CHMP4C: variants seen among roughly 807,000 people sequenced by gnomAD.
The protein encoded by CHMP4C is charged multivesicular body protein 4C.
Under a neutral mutation model 29.0 loss-of-function variants are expected in CHMP4C, and 28 were observed. The observed-to-expected ratio is 0.97, with a 90% CI of 0.72 to 1.32. CHMP4C has a LOEUF of 1.32. Among genes scored for constraint, CHMP4C ranks in the 40% most tolerant of loss-of-function variants. CHMP4C has a pLI of 0.00. For missense variants in CHMP4C, 291 were observed against 281.0 expected, an observed-to-expected ratio of 1.04 and a Z score of -0.25; for synonymous variants, 106 against 102.4, an observed-to-expected ratio of 1.04 and a Z score of -0.21.
At chr8:81,746,616 G>T (rs1307670504) in intron 1 of CHMP4C, among the ~76,000 whole-genome samples, 2 of 152,190 alleles carry the variant, frequency 1.3e-5, no homozygotes, top group Non-Finnish European at 2.9e-5. Context: ...TTCATTATCT[G>T]CCTGGCTCCC....
chr8:81,750,898 A>G (rs1808893549), intron 1 of CHMP4C, among the ~76,000 whole-genome samples: 1 of 152,140 alleles, frequency 6.6e-6, no homozygotes, highest in Non-Finnish European at 1.5e-5. Context: ...ATACATACCT[A>G]GATGCATACC....
In CHMP4C at chr8:81,755,488, C is replaced by G; in HGVS notation, c.483+4C>G. On this transcript the variant is annotated splice_donor_region_variant and intron_variant, in intron 3 of 4. Coordinates refer to ENST00000297265, the MANE Select transcript of CHMP4C (RefSeq NM_152284.4). ...CTTTGGTGATGACTTTGATGAGGTA[C>G]GTAACCCAATATGAAGAATGCAGGA... 6.4e-7 allele frequency: 1 copy of G among 1,563,162 alleles called. No homozygotes were observed. Among genetic ancestry groups the G allele is most frequent in the South Asian group, 1.1e-5 (1 of 89,804 alleles).
chr8:81,758,412 A>G (rs960367265), intron 4 of CHMP4C, 68 bp from the exon 5 acceptor site: 1 of 1,540,820 alleles, frequency 6.5e-7, no homozygotes, highest in Non-Finnish European at 9.0e-7. Flanking sequence ...TATGTAATTC[A>G]TACCTGTTTT....
intron 1 of CHMP4C, among the ~76,000 whole-genome samples, chr8:81,747,707 G>A (rs762946496): frequency 1.3e-4 from 20 of 152,120 alleles, no homozygotes; most frequent in Non-Finnish European, 1.9e-4. Flanking sequence ...AAAACTGGAC[G>A]TCCAGGGGAG....
chr8:81,739,427 G>GGC (rs398008526), intron 1 of CHMP4C, among the ~76,000 whole-genome samples: 1 of 126,296 alleles, frequency 7.9e-6, no homozygotes, highest in African/African-American at 2.9e-5. Flanking sequence ...GTGGGGGGGG[G>GGC]TGGAAAAAAA....
chr8:81,744,619 A>T (rs150620473), intron 1 of CHMP4C, among the ~76,000 whole-genome samples: 2 of 152,188 alleles, frequency 1.3e-5, no homozygotes, highest in African/African-American at 2.4e-5. Context: ...CACCTTGTAC[A>T]TATCTCTTCT....
intron 1 of CHMP4C, among the ~76,000 whole-genome samples, chr8:81,740,877 G>A (rs998218381): frequency 3.9e-5 from 6 of 152,160 alleles, no homozygotes; most frequent in African/African-American, 1.4e-4. Flanking sequence ...AAGATGGGGT[G>A]ATTTTGAAGT....
At chr8:81,741,458 T>A (rs1257568083) in intron 1 of CHMP4C, among the ~76,000 whole-genome samples, 4 of 152,178 alleles carry the variant, frequency 2.6e-5, no homozygotes, top group Non-Finnish European at 4.4e-5. Context: ...ATGTGCTTAG[T>A]ACTACTAGTT....
In CHMP4C at chr8:81,758,487, C is replaced by G; in HGVS notation, c.645C>G (p.Ser215=). The G allele has an allele frequency of 1.9e-6, 3 of 1,612,484 alleles. No individual in the cohort carries two copies. The highest frequency in any genetic ancestry group is 2.5e-6 in the Non-Finnish European group (3 of 1,178,794). ...STARRSRAAS[S]QRAEEEDDDI... ...ATCTATTTTATGTTCCAGCATCTTC[C>G]CAGAGGGCAGAAGAAGAGGATGATG... The change falls in exon 5 of 5, where the codon TCC becomes TCG. Residue 215 remains serine, a synonymous_variant. Transcript: ENST00000297265.
chr8:81,747,612 A>C (rs1808844227), intron 1 of CHMP4C, among the ~76,000 whole-genome samples: 1 of 152,136 alleles, frequency 6.6e-6, no homozygotes, highest in Non-Finnish European at 1.5e-5. Flanking sequence ...GACCTGCCCC[A>C]AAAATCACAT....
At chr8:81,733,573 G>A (rs961519883) in intron 1 of CHMP4C, among the ~76,000 whole-genome samples, 1 of 151,640 alleles carries the variant, frequency 6.6e-6, no homozygotes, top group Non-Finnish European at 1.5e-5. Context: ...TCCTATCACT[G>A]ACTTTTGGCA....
chr8:81,747,463 C>T (rs1449842852), intron 1 of CHMP4C, among the ~76,000 whole-genome samples: 5 of 151,936 alleles, frequency 3.3e-5, no homozygotes, highest in Admixed American at 1.3e-4. Flanking sequence ...ATTCCACTTC[C>T]GGGTATGTTG....
chr8:81,735,039 G>A lies in CHMP4C; in HGVS notation c.190+2223G>A, dbSNP rs10088072. The stretch of plus-strand genomic sequence containing the variant: ...TTCCCGAGTAGCTGGGATTACAGGC[G>A]TGCACCACCATGCCCAGCTAATTTT... On this transcript the variant is annotated intron_variant, in intron 1 of 4. Coordinates refer to ENST00000297265, the MANE Select transcript of CHMP4C (RefSeq NM_152284.4). 6.6e-3 allele frequency among the ~76,000 whole-genome samples: 1,005 copies of A among 152,010 alleles called. 12 individuals are homozygous for A. Among genetic ancestry groups the A allele is most frequent in the African/African-American group, 0.022 (905 of 41,456 alleles).
chr8:81,747,033 A>G (rs1203117092), intron 1 of CHMP4C, among the ~76,000 whole-genome samples: 1 of 152,222 alleles, frequency 6.6e-6, no homozygotes, highest in Non-Finnish European at 1.5e-5. Context: ...ACATAGCCTT[A>G]CATGTGAATG....
chr8:81,752,268 C>G (rs79085228), intron 1 of CHMP4C, among the ~76,000 whole-genome samples: 3,998 of 152,246 alleles, frequency 0.026, 160 homozygotes, highest in African/African-American at 0.092. Flanking sequence ...TTCCTGCTCT[C>G]TCCCTAAATG....
intron 1 of CHMP4C, among the ~76,000 whole-genome samples, chr8:81,738,276 G>A (rs944582349): frequency 2.6e-5 from 4 of 152,144 alleles, no homozygotes; most frequent in Non-Finnish European, 4.4e-5. Flanking sequence ...AGCAAATTTG[G>A]CCAAAACCCC....
intron 1 of CHMP4C, among the ~76,000 whole-genome samples, chr8:81,745,866 AG>A (rs1239581991): frequency 6.6e-6 from 1 of 152,148 alleles, no homozygotes; most frequent in Non-Finnish European, 1.5e-5. Context: ...CACATACAGG[AG>A]TTTGGAAGAT....
intron 1 of CHMP4C, among the ~76,000 whole-genome samples, chr8:81,743,614 A>G (rs1358991637): frequency 6.6e-6 from 1 of 152,196 alleles, no homozygotes; most frequent in Non-Finnish European, 1.5e-5. Flanking sequence ...AATTAATTAC[A>G]AGAGATGAGA....
chr8:81,752,233 G>A (rs371692942), intron 1 of CHMP4C, among the ~76,000 whole-genome samples: 19 of 152,098 alleles, frequency 1.2e-4, no homozygotes, highest in South Asian at 6.2e-4. Flanking sequence ...ACTTATTTTC[G>A]TATTAACATT....
Sources: gnomAD v4.1 joint callset for allele counts (sites outside exome capture counted in the v4.1 genomes callset) on GRCh38, gnomAD v4.1.1 for gene constraint, MANE v1.5 for transcripts, NCBI Gene and HGNC (gene_info 2026-07-23, HGNC 2026-07-21) for gene names.